Variants in CAST observed in about 807,000 individuals in gnomAD.
CAST encodes calpastatin.
CAST carries 76 observed loss-of-function variants against 119.6 expected under a neutral mutation model. The observed-to-expected ratio is 0.64, with a 90% CI of 0.53 to 0.77. CAST has a LOEUF of 0.77. Ranked by LOEUF, CAST falls within the 30% of genes least tolerant of loss-of-function variation. The pLI is 0.00. For missense variants in CAST, 953 were observed against 946.5 expected (o/e 1.01, Z -0.09); for synonymous variants, 319 against 331.6 (o/e 0.96, Z 0.41).
intron 1 of CAST, among the ~76,000 whole-genome samples, chr5:96,558,471 A>G (rs1746291400): frequency 6.6e-6 from 1 of 152,144 alleles, no homozygotes; most frequent in South Asian, 2.1e-4. Flanking sequence ...CAAGACTAAT[A>G]AAGAAGAAAA....
At chr5:96,018,474 AT>A in the CAST span, among the ~76,000 whole-genome samples, 1 of 152,142 alleles carries the variant, frequency 6.6e-6, no homozygotes, top group African/African-American at 2.4e-5. Context: ...GGTTCCATTT[AT>A]TTCATCCCTA....
chr5:96,410,557 G>T, the CAST span, among the ~76,000 whole-genome samples: 1 of 152,042 alleles, frequency 6.6e-6, no homozygotes, highest in Non-Finnish European at 1.5e-5. Context: ...GTTTAAAAAT[G>T]ACAGAGGGGA....
the CAST span, among the ~76,000 whole-genome samples, chr5:95,968,723 C>A: frequency 4.6e-5 from 7 of 152,152 alleles, no homozygotes; most frequent in Non-Finnish European, 8.8e-5. Flanking sequence ...GCTGTTTATT[C>A]AAGTATCATA....
At chr5:95,969,927 G>T in the CAST span, among the ~76,000 whole-genome samples, 1 of 152,136 alleles carries the variant, frequency 6.6e-6, no homozygotes, top group African/African-American at 2.4e-5. Context: ...ATGAGAAAAA[G>T]AATTGGGGAA....
chr5:96,469,158 A>T, the CAST span, among the ~76,000 whole-genome samples: 1 of 152,124 alleles, frequency 6.6e-6, no homozygotes, highest in Admixed American at 6.6e-5. Flanking sequence ...TGTGTCTAAA[A>T]GTAATTCCTG....
the CAST span, among the ~76,000 whole-genome samples, chr5:96,507,049 C>T: frequency 2.2e-3 from 329 of 152,138 alleles, no homozygotes; most frequent in African/African-American, 7.8e-3. Context: ...TACATAATTG[C>T]AAATTATGAT....
chr5:96,741,627 C>A, intron 15 of CAST, 47 bp downstream of exon 15: 1 of 1,283,954 alleles, frequency 7.8e-7, no homozygotes, highest in Non-Finnish European at 1.1e-6. Context: ...AGAGCCTGAT[C>A]TAGCTCATTC....
chr5:96,053,592 G>T, the CAST span, among the ~76,000 whole-genome samples: 1 of 152,066 alleles, frequency 6.6e-6, no homozygotes, highest in Non-Finnish European at 1.5e-5. Flanking sequence ...TTAAAAAATC[G>T]GTAAACCAAC....
chr5:96,155,125 T>C, the CAST span, among the ~76,000 whole-genome samples: 1 of 152,194 alleles, frequency 6.6e-6, no homozygotes, highest in Non-Finnish European at 1.5e-5. Flanking sequence ...AGTTTTGGTG[T>C]TGTGAATAAG....
At chr5:96,380,106 T>A in the CAST span, among the ~76,000 whole-genome samples, 1 of 152,320 alleles carries the variant, frequency 6.6e-6, no homozygotes, top group East Asian at 1.9e-4. Context: ...AGTCCTGATA[T>A]CTTTTCAGGG....
At chr5:96,171,688 C>A in the CAST span, among the ~76,000 whole-genome samples, 4 of 152,168 alleles carry the variant, frequency 2.6e-5, no homozygotes, top group South Asian at 8.3e-4. Context: ...AATGAAGGAA[C>A]TGAAATTAAG....
chr5:96,516,652 G>T, the CAST span, among the ~76,000 whole-genome samples: 1 of 152,160 alleles, frequency 6.6e-6, no homozygotes, highest in Non-Finnish European at 1.5e-5. Flanking sequence ...TCAAAAAATT[G>T]TCCTTGTTTG....
At chr5:96,494,899 C>A in the CAST span, among the ~76,000 whole-genome samples, 1 of 151,998 alleles carries the variant, frequency 6.6e-6, no homozygotes, top group African/African-American at 2.4e-5. Flanking sequence ...GGGCGGATCA[C>A]GAGGTCAGGA....
intron 1 of CAST, among the ~76,000 whole-genome samples, chr5:96,558,839 C>A (rs1326188518): frequency 6.6e-6 from 1 of 152,170 alleles, no homozygotes. Context: ...TAGAGGGAAT[C>A]CTCCCTAACT....
chr5:96,645,489 C>G (rs984278828), intron 1 of CAST, among the ~76,000 whole-genome samples: 1 of 152,122 alleles, frequency 6.6e-6, no homozygotes, highest in Admixed American at 6.5e-5. Flanking sequence ...TTATTCGTTT[C>G]AAACATAATA....
intron 1 of CAST, 115 bp from the exon 2 acceptor site, chr5:96,675,424 G>A (rs1750581752): frequency 5.8e-6 from 4 of 686,948 alleles, no homozygotes; most frequent in Non-Finnish European, 7.7e-6. Flanking sequence ...TTCTCAGGAG[G>A]AAGATTAAAG....
intron 1 of CAST, among the ~76,000 whole-genome samples, chr5:96,558,299 G>C (rs1252265968): frequency 6.6e-6 from 1 of 151,996 alleles, no homozygotes; most frequent in African/African-American, 2.4e-5. Flanking sequence ...AAAAGAACTA[G>C]AGAAGCAAGA....
At chr5:95,986,136 G>A in the CAST span, 1 of 152,246 alleles carries the variant, frequency 6.6e-6, no homozygotes, top group East Asian at 1.9e-4. Flanking sequence ...TGCCAACAGA[G>A]TAGATGTTTC....
chr5:96,230,918 T>C, the CAST span, among the ~76,000 whole-genome samples: 1 of 151,968 alleles, frequency 6.6e-6, no homozygotes, highest in Non-Finnish European at 1.5e-5. Context: ...ATTAGGAAAA[T>C]GCAAATCAAA....
Sources: allele counts gnomAD v4.1 joint callset (sites outside exome capture counted in the v4.1 genomes callset), GRCh38; gene constraint gnomAD v4.1.1; transcripts MANE v1.5; gene names NCBI Gene and HGNC (gene_info 2026-07-23, HGNC 2026-07-21).